Variants in MACROD2 observed in about 807,000 individuals in gnomAD.
MACROD2 encodes ADP-ribose glycohydrolase MACROD2.
MACROD2 carries 36 observed loss-of-function variants against 70.4 expected under a neutral mutation model. The ratio of observed to expected loss-of-function variants is 0.51; its 90% CI spans 0.39 to 0.68. The LOEUF (loss-of-function observed/expected upper bound fraction) is 0.68. Ranked by LOEUF, MACROD2 falls within the 30% of genes least tolerant of loss-of-function variation. The pLI, the probability that MACROD2 is intolerant of heterozygous loss-of-function variation, is 0.00. For missense variants in MACROD2, 496 were observed against 538.4 expected, an observed-to-expected ratio of 0.92 and a Z score of 0.78; for synonymous variants, 172 against 178.8, an observed-to-expected ratio of 0.96 and a Z score of 0.30.
rs994182703 is a variant in MACROD2, at chr20:15,159,125, G to A, written c.419-70815G>A. On this transcript the variant is annotated intron_variant, in intron 5 of 17. Coordinates refer to ENST00000684519, the MANE Select transcript of MACROD2 (RefSeq NM_001351661.2). Reference sequence around the variant, plus strand: ...TGTACTTGTAACATAATTTTATTACGTTTCAAACCCTATTAATCATAGAAT... The same window carrying A: ...TGTACTTGTAACATAATTTTATTACATTTCAAACCCTATTAATCATAGAAT... 1.2e-4 allele frequency among the ~76,000 whole-genome samples: 19 copies of A among 152,016 alleles called. 1 individual carries two copies. Among genetic ancestry groups the A allele is most frequent in the Admixed American group, 4.6e-4 (7 of 15,248 alleles).
chr20:15,936,496 CTATA>C (rs1159390307), intron 11 of MACROD2, among the ~76,000 whole-genome samples: 2 of 147,484 alleles, frequency 1.4e-5, no homozygotes, highest in African/African-American at 2.5e-5. Context: ...TACATATGAA[CTATA>C]TATATACTCT....
chr20:15,995,725 T>C (rs1157462121), intron 15 of MACROD2, among the ~76,000 whole-genome samples: 1 of 150,526 alleles, frequency 6.6e-6, no homozygotes, highest in Non-Finnish European at 1.5e-5. Flanking sequence ...CTGTGTCTTA[T>C]TTCACTCAGC....
intron 3 of MACROD2, among the ~76,000 whole-genome samples, chr20:14,202,182 T>C (rs1462914369): frequency 2.0e-5 from 3 of 152,180 alleles, no homozygotes; most frequent in Non-Finnish European, 4.4e-5. Context: ...AATATAGATA[T>C]AATGATTTGG....
At chr20:16,039,898 G>A (rs780470287) in intron 15 of MACROD2, among the ~76,000 whole-genome samples, 8 of 151,446 alleles carry the variant, frequency 5.3e-5, no homozygotes, top group Non-Finnish European at 1.0e-4. Flanking sequence ...TTTTTCCCTT[G>A]TGTTATCTTT....
intron 3 of MACROD2, among the ~76,000 whole-genome samples, chr20:14,430,244 A>G (rs962136691): frequency 1.3e-5 from 2 of 152,174 alleles, no homozygotes; most frequent in Non-Finnish European, 2.9e-5. Flanking sequence ...CAGGCATTGC[A>G]GACTTTCCAA....
At chr20:15,141,034 A>G (rs1022394953) in intron 5 of MACROD2, among the ~76,000 whole-genome samples, 4 of 152,154 alleles carry the variant, frequency 2.6e-5, no homozygotes, top group Non-Finnish European at 5.9e-5. Context: ...ATAGATATAC[A>G]TGTGTTTGCA....
chr20:15,485,656 A>T (rs150931483), intron 7 of MACROD2, among the ~76,000 whole-genome samples: 148 of 152,210 alleles, frequency 9.7e-4, no homozygotes, highest in African/African-American at 3.4e-3. Context: ...CCTCCTTTAA[A>T]ATTCTGTGGC....
At chr20:14,072,320 G>C (rs1192490125) in intron 2 of MACROD2, among the ~76,000 whole-genome samples, 1 of 152,030 alleles carries the variant, frequency 6.6e-6, no homozygotes, top group Non-Finnish European at 1.5e-5. Flanking sequence ...GGAAGAGATA[G>C]GACTTAGACA....
intron 4 of MACROD2, among the ~76,000 whole-genome samples, chr20:14,530,609 G>A (rs1356426693): frequency 6.6e-6 from 1 of 152,118 alleles, no homozygotes; most frequent in African/African-American, 2.4e-5. Flanking sequence ...CTTACTGAGA[G>A]CAGCTTAAAG....
intron 4 of MACROD2, among the ~76,000 whole-genome samples, chr20:14,663,028 C>T (rs1662575326): frequency 6.6e-6 from 1 of 152,112 alleles, no homozygotes; most frequent in Non-Finnish European, 1.5e-5. Flanking sequence ...AAGACACATG[C>T]ACACATATGT....
At chr20:14,087,864 A>G (rs2054098083) in intron 3 of MACROD2, among the ~76,000 whole-genome samples, 1 of 152,142 alleles carries the variant, frequency 6.6e-6, no homozygotes, top group Non-Finnish European at 1.5e-5. Context: ...ATATGTGTGT[A>G]TATATGCATA....
At chr20:15,292,906 T>C (rs1158378195) in intron 6 of MACROD2, among the ~76,000 whole-genome samples, 1 of 152,220 alleles carries the variant, frequency 6.6e-6, no homozygotes, top group African/African-American at 2.4e-5. Flanking sequence ...TTTAATCTCA[T>C]CAAATTCTTA....
At chr20:14,616,914 A>C (rs887668448) in intron 4 of MACROD2, among the ~76,000 whole-genome samples, 14 of 152,256 alleles carry the variant, frequency 9.2e-5, no homozygotes, top group African/African-American at 3.4e-4. Flanking sequence ...AACTGTGTAC[A>C]ATCTCTCTTT....
At chr20:15,257,137 T>G (rs1476061404) in intron 6 of MACROD2, among the ~76,000 whole-genome samples, 1 of 152,062 alleles carries the variant, frequency 6.6e-6, no homozygotes, top group Admixed American at 6.6e-5. Flanking sequence ...TTATCAAGTA[T>G]AGGGAACAAA....
chr20:15,765,673 C>A, intron 8 of MACROD2, among the ~76,000 whole-genome samples: 1 of 151,938 alleles, frequency 6.6e-6, no homozygotes. Context: ...TTAATGAGAT[C>A]CTGAAGTGAA....
At chr20:15,194,949 G>C (rs533532419) in intron 5 of MACROD2, among the ~76,000 whole-genome samples, 1 of 152,056 alleles carries the variant, frequency 6.6e-6, no homozygotes, top group African/African-American at 2.4e-5. Flanking sequence ...TTTAACTTTT[G>C]TGGTATTAAA....
At chr20:15,490,452 G>A (rs1314387771) in intron 7 of MACROD2, among the ~76,000 whole-genome samples, 1 of 151,924 alleles carries the variant, frequency 6.6e-6, no homozygotes, top group African/African-American at 2.4e-5. Flanking sequence ...GTAGAGATAA[G>A]ATCTCTCTAT....
intron 6 of MACROD2, among the ~76,000 whole-genome samples, chr20:15,287,826 A>G (rs1396432627): frequency 2.0e-5 from 3 of 152,220 alleles, no homozygotes; most frequent in Non-Finnish European, 2.9e-5. Flanking sequence ...AGATGCTTTT[A>G]TGATTAAGGA....
intron 8 of MACROD2, among the ~76,000 whole-genome samples, chr20:15,776,544 C>T (rs1280880863): frequency 6.6e-6 from 1 of 152,124 alleles, no homozygotes; most frequent in Non-Finnish European, 1.5e-5. Flanking sequence ...CCAGACCACC[C>T]AAAATGTCAA....
Sources: gnomAD v4.1 joint callset for allele counts (sites outside exome capture counted in the v4.1 genomes callset) on GRCh38, gnomAD v4.1.1 for gene constraint, MANE v1.5 for transcripts, NCBI Gene and HGNC (gene_info 2026-07-23, HGNC 2026-07-21) for gene names.